Variants in TYK2 observed in about 807,000 individuals in gnomAD.
The protein encoded by TYK2 is tyrosine kinase 2, also known as non-receptor tyrosine-protein kinase TYK2.
Under a neutral mutation model 130.9 loss-of-function variants are expected in TYK2, and 65 were observed. The ratio of observed to expected loss-of-function variants is 0.50; its 90% confidence interval spans 0.41 to 0.61. The LOEUF is 0.61. TYK2 is among the 20% of genes least tolerant of loss of function. TYK2 has a pLI of 0.00. For synonymous variants in TYK2, 647 were observed against 658.9 expected, an observed-to-expected ratio of 0.98 and a Z score of 0.28; for missense variants, 1,378 against 1,610.7, an observed-to-expected ratio of 0.86 and a Z score of 2.47.
At chr19:10,375,146 G>C (rs1339514006) in intron 3 of TYK2, among the ~76,000 whole-genome samples, 1 of 151,560 alleles carries the variant, frequency 6.6e-6, no homozygotes, top group Admixed American at 6.6e-5. Context: ...TTCAGCCTGG[G>C]CAAGAGAGAG....
At position 10,361,254 on chromosome 19, in the gene TYK2, T is replaced by C. The variant is rs2041385494; in HGVS notation, c.2047+257A>G. ...GAGGTTGATGGAAGTGGGGATGTAG[T>C]TGGGAATCAGGGTGGGGGTTGAGAC... On this transcript the variant is annotated intron_variant, in intron 14 of 24. Transcript: ENST00000525621. This position sits in a 1 kb window ranked among gnomAD's most constrained non-coding sequence, Gnocchi z 4.0. 1 of 601,970 alleles carries C rather than the reference T, an allele frequency of 1.7e-6. No homozygotes were observed. Among genetic ancestry groups the C allele is most frequent in the African/African-American group, 1.8e-5 (1 of 54,192 alleles). The allele number at this position is 601,970 out of a possible 1,614,324, so 37.3% of individuals were successfully genotyped here. A position where few individuals can be genotyped will look rare whatever the true frequency, so the allele number is the denominator to read the frequency against.
chr19:10,372,286 C>A (rs2041937991), intron 3 of TYK2, among the ~76,000 whole-genome samples: 2 of 146,456 alleles, frequency 1.4e-5, no homozygotes, highest in African/African-American at 5.0e-5. Context: ...AGCCACGGCG[C>A]CCGGCCTGGG....
In TYK2 at chr19:10,353,509, A is replaced by G; in HGVS notation, c.3027+19T>C. 6.8e-7 allele frequency: 1 copy of G among 1,477,922 alleles called. No homozygotes were observed. Among genetic ancestry groups the G allele is most frequent in the Admixed American group, 2.3e-5 (1 of 43,446 alleles). The allele number at this position is 1,477,922 out of a possible 1,614,324, so 91.6% of individuals were successfully genotyped here. On this transcript the variant is annotated intron_variant, in intron 21 of 24. Coordinates refer to ENST00000525621, the MANE Select transcript of TYK2 (RefSeq NM_003331.5). This position sits in a 1 kb window ranked among gnomAD's most constrained non-coding sequence, Gnocchi z 6.9. ...AGAGGAAGGGGCAAGCTCCAGAAGC[A>G]GGGGCGGGGCCGACCAACCTCGCAG... is the stretch of plus-strand genomic sequence containing the variant.
chr19:10,368,764 C>T (rs2041786388), intron 3 of TYK2: 2 of 346,638 alleles, frequency 5.8e-6, no homozygotes, highest in South Asian at 2.5e-5. Flanking sequence ...GATGGTGAAG[C>T]TGTAAGACAG....
At chr19:10,352,365 C>A in intron 23 of TYK2, 69 bp downstream of exon 23, 4 of 1,093,224 alleles carry the variant, frequency 3.7e-6, no homozygotes, top group South Asian at 1.2e-5. Flanking sequence ...AGCCACCGCG[C>A]CTGGCCCAGC....
intron 10 of TYK2, 22 bp from the exon 11 acceptor site, chr19:10,362,478 G>C: frequency 6.3e-7 from 1 of 1,579,952 alleles, no homozygotes; most frequent in Non-Finnish European, 8.6e-7. Context: ...TGGCAGAGGT[G>C]GGAGCAGTAA....
chr19:10,352,767 AC>A (rs1335257028), intron 22 of TYK2, among the ~76,000 whole-genome samples, 158 bp downstream of exon 22: 3 of 152,052 alleles, frequency 2.0e-5, no homozygotes, highest in Non-Finnish European at 4.4e-5. Flanking sequence ...CGCACTCTAT[AC>A]ACCGCCCCTT....
At chr19:10,352,673 G>A in intron 22 of TYK2, 122 bp from the exon 23 acceptor site, 1 of 729,840 alleles carries the variant, frequency 1.4e-6, no homozygotes, top group Non-Finnish European at 2.3e-6. Flanking sequence ...CCACCCTTAA[G>A]AGCGCAGCCT....
chr19:10,371,879 C>A (rs762106886), intron 3 of TYK2, among the ~76,000 whole-genome samples: 1 of 152,148 alleles, frequency 6.6e-6, no homozygotes, highest in Non-Finnish European at 1.5e-5. Flanking sequence ...ATAAACAAGG[C>A]GGCTCTAAAC....
rs2041206783 is a variant in TYK2 at position 10,358,222 on chromosome 19, A to G, written c.2176-84T>C. 7.2e-6 allele frequency: 10 copies of G among 1,383,958 alleles called. No homozygotes were observed. The East Asian group carries it at 2.3e-4, about 31-fold the overall frequency. 85.7% of individuals were successfully genotyped at this position (1,383,958 alleles called of 1,614,324 possible). Reference sequence around the variant, plus strand: ...AACCTGGTCCCCATAGGGACAGCCAATGTGAAAAGGACAACTGTGACTATC... The same window carrying G: ...AACCTGGTCCCCATAGGGACAGCCAGTGTGAAAAGGACAACTGTGACTATC... On this transcript the variant is annotated intron_variant, in intron 15 of 24. Coordinates refer to ENST00000525621, the MANE Select transcript of TYK2 (RefSeq NM_003331.5).
At chr19:10,357,282 G>C in intron 17 of TYK2, 1 of 568,040 alleles carries the variant, frequency 1.8e-6, no homozygotes, top group Non-Finnish European at 3.2e-6. Flanking sequence ...CCCCCTACTC[G>C]GGAGGCTGAG....
In TYK2 at chr19:10,364,634, A is replaced by T; in HGVS notation, c.1347T>A (p.Asp449Glu). ...APPRLVMSIR[D>E]GIHGPLLEPF... ...CTCACAGCAGGGGTCCGTGGATCCC[A>T]TCCCGGATGCTCATCACCAGCCGTG... Residue 449 changes from aspartate to glutamate, a missense_variant, in exon 9 of 25, where the codon GAT becomes GAA. Asp to Glu is a conservative substitution (Grantham distance 45). Transcript: ENST00000525621. This position sits in a 1 kb window ranked among gnomAD's most constrained non-coding sequence, Gnocchi z 4.9. The T allele has an allele frequency of 6.2e-7, 1 of 1,613,774 alleles. No homozygotes were observed. Among genetic ancestry groups the T allele is most frequent in the Non-Finnish European group, 8.5e-7 (1 of 1,179,970 alleles).
At position 10,359,705 on chromosome 19, in the gene TYK2, C is replaced by T. The variant is rs981538912; in HGVS notation, c.2048-403G>A. ...TACTAAAAAAAAAAATACAGCCGGG[C>T]GCGGTGGCTCACGCCTGTAATCCCA... On this transcript the variant is annotated intron_variant, in intron 14 of 24. Coordinates refer to ENST00000525621, the MANE Select transcript of TYK2 (RefSeq NM_003331.5). Among the ~76,000 whole-genome samples the T allele has an allele frequency of 5.9e-5, 9 of 151,640 alleles. No individual in the cohort carries two copies. The South Asian group carries it at 6.2e-4, about 11-fold the overall frequency.
At chr19:10,371,737 C>A (rs559037945) in intron 3 of TYK2, among the ~76,000 whole-genome samples, 2 of 152,140 alleles carry the variant, frequency 1.3e-5, no homozygotes, top group Non-Finnish European at 2.9e-5. Context: ...AAGCTTCATG[C>A]AGAATGACAT....
rs2041178015 is a variant in TYK2 at position 10,357,839 on chromosome 19, C to T, written c.2391G>A (p.Lys797=). The T allele has an allele frequency of 6.2e-7, 1 of 1,613,558 alleles. No individual in the cohort carries two copies. Among genetic ancestry groups the T allele is most frequent in the African/African-American group, 1.3e-5 (1 of 74,950 alleles). The change falls in exon 17 of 25, where the codon AAG becomes AAA. Residue 797 remains lysine (K), a synonymous_variant. Coordinates refer to ENST00000525621, the MANE Select transcript of TYK2 (RefSeq NM_003331.5). Reference sequence around the variant, plus strand: ...CCAGGAGGGTGGCGCCAAACCCCCACTTGTCCATGGCGGTGCTTAGGCTGT... The same window carrying T: ...CCAGGAGGGTGGCGCCAAACCCCCATTTGTCCATGGCGGTGCTTAGGCTGT... The part of the protein sequence containing the change: ...GANSLSTAMD[K]WGFGATLLEI...
Position 10,353,550 on chromosome 19 carries a change from A to C in TYK2, c.3005T>G (p.Leu1002Arg). Residue 1002 changes from leucine to arginine, a missense_variant, in exon 21 of 25, where the codon CTC (leucine) becomes CGC (arginine). Coordinates refer to ENST00000525621, the MANE Select transcript of TYK2 (RefSeq NM_003331.5). The surrounding 1 kb of genome is among the most constrained non-coding windows in gnomAD (Gnocchi z 6.9). Reference protein sequence around the residue: ...RHSIGLAQLLLFAQQICEGMA... With the variant: ...RHSIGLAQLLRFAQQICEGMA... ...AACCTCGCAGATCTGCTGGGCGAAGAGCAGCAGCTGGGCCAGCCCGATGCT... is the reference window on the plus strand; with the variant it reads ...AACCTCGCAGATCTGCTGGGCGAAGCGCAGCAGCTGGGCCAGCCCGATGCT... The C allele has an allele frequency of 1.3e-6, 2 of 1,495,396 alleles. No individual in the cohort carries two copies. Among genetic ancestry groups the C allele is most frequent in the Non-Finnish European group, 1.8e-6 (2 of 1,118,288 alleles). 92.6% of individuals were successfully genotyped at this position (1,495,396 alleles called of 1,614,324 possible). A position where few individuals can be genotyped will look rare whatever the true frequency, so the allele number is the denominator to read the frequency against.
chr19:10,371,675 A>G (rs12720235), intron 3 of TYK2, among the ~76,000 whole-genome samples: 13,840 of 152,042 alleles, frequency 0.091, 739 homozygotes, highest in African/African-American at 0.14. Context: ...GTGTGGTATT[A>G]TACTGCAGAC....
In TYK2 at chr19:10,364,760, C is replaced by G; in HGVS notation, c.1221G>C (p.Leu407Phe). ...AGGACAGCGCCGCAGCCCGGGAAGG[C>G]AAGCTCAGCTCCTGCCAGCCAGGGG... The part of the protein sequence containing the change: ...RQDNKCLELS[L>F]PSRAAALSFV... The change falls in exon 9 of 25, where the codon TTG (leucine) becomes TTC (phenylalanine). Residue 407 changes from leucine to phenylalanine, a missense_variant. Transcript: ENST00000525621. This position sits in a 1 kb window ranked among gnomAD's most constrained non-coding sequence, Gnocchi z 4.9. 2 of 1,613,970 alleles carry G rather than the reference C, an allele frequency of 1.2e-6. No homozygotes were observed. Among genetic ancestry groups the G allele is most frequent in the South Asian group, 2.2e-5 (2 of 91,092 alleles).
intron 5 of TYK2, among the ~76,000 whole-genome samples, chr19:10,367,308 A>C (rs1321677056): frequency 6.6e-6 from 1 of 151,824 alleles, no homozygotes; most frequent in African/African-American, 2.4e-5. Flanking sequence ...ATTACTAATC[A>C]ATCACAGCAC....
Sources: allele counts gnomAD v4.1 joint callset (sites outside exome capture counted in the v4.1 genomes callset), GRCh38; gene constraint gnomAD v4.1.1; non-coding constraint Gnocchi (gnomAD v3.1); transcripts MANE v1.5; gene names NCBI Gene and HGNC (gene_info 2026-07-23, HGNC 2026-07-21).